Variants in AFF3 observed in about 807,000 individuals in gnomAD.
AFF3 encodes the protein ALF transcription elongation factor 3, also known as AF4/FMR2 family member 3.
AFF3 carries 32 observed loss-of-function variants against 129.7 expected under a neutral mutation model. The ratio of observed to expected loss-of-function variants is 0.25; its 90% CI spans 0.19 to 0.33. The LOEUF (loss-of-function observed/expected upper bound fraction) is 0.33. Ranked by LOEUF, AFF3 falls within the 10% of genes least tolerant of loss-of-function variation. The pLI, the probability that AFF3 is intolerant of heterozygous loss-of-function variation, is 1.00. For missense variants in AFF3, 1,373 were observed against 1,592.0 expected, an observed-to-expected ratio of 0.86 and a Z score of 2.34; for synonymous variants, 644 against 635.4, an observed-to-expected ratio of 1.01 and a Z score of -0.20.
chr2:99,600,438 C>A (rs1679711980), intron 14 of AFF3, among the ~76,000 whole-genome samples: 1 of 152,138 alleles, frequency 6.6e-6, no homozygotes, highest in Non-Finnish European at 1.5e-5. Flanking sequence ...GGTGTGATAA[C>A]ATCCAAGGCA....
intron 4 of AFF3, among the ~76,000 whole-genome samples, chr2:100,054,291 A>G (rs1686592742): frequency 6.6e-6 from 1 of 152,188 alleles, no homozygotes; most frequent in African/African-American, 2.4e-5. Context: ...TGCTTGGGCC[A>G]TGGGGTGCCA....
At position 99,566,993 on chromosome 2, in the gene AFF3, G is replaced by A. The variant is rs545861997; in HGVS notation, c.2983-1370C>T. Reference sequence around the variant, plus strand: ...TTCTTTTTTTTTTTTTTGGAGACAGGGTCTCACTCTGTCACCCAGGCTGGA... The same window carrying A: ...TTCTTTTTTTTTTTTTTGGAGACAGAGTCTCACTCTGTCACCCAGGCTGGA... On this transcript the variant is annotated intron_variant, in intron 19 of 24. Transcript: ENST00000672756. 8.9e-4 allele frequency among the ~76,000 whole-genome samples: 133 copies of A among 149,808 alleles called. 1 individual carries two copies. Among genetic ancestry groups the A allele is most frequent in the African/African-American group, 3.2e-3 (130 of 40,818 alleles).
At chr2:99,589,051 C>T (rs1010241592) in intron 15 of AFF3, among the ~76,000 whole-genome samples, 2 of 152,238 alleles carry the variant, frequency 1.3e-5, no homozygotes, top group Middle Eastern at 3.2e-3. Flanking sequence ...TTCTGCACAT[C>T]TCTCTAGTAA....
At chr2:100,132,661 C>T (rs911894718) in intron 1 of AFF3, among the ~76,000 whole-genome samples, 4 of 152,148 alleles carry the variant, frequency 2.6e-5, no homozygotes, top group African/African-American at 7.2e-5. Context: ...ACCAGACTCT[C>T]GCTGTCCACT....
chr2:99,878,281 G>A (rs185830443), intron 7 of AFF3, among the ~76,000 whole-genome samples: 375 of 152,306 alleles, frequency 2.5e-3, no homozygotes, highest in Non-Finnish European at 4.1e-3. Context: ...TGAATGTTAA[G>A]TGGCTAAATT....
At chr2:99,555,342 C>T (rs1674809813) in intron 22 of AFF3, among the ~76,000 whole-genome samples, 1 of 152,194 alleles carries the variant, frequency 6.6e-6, no homozygotes, top group African/African-American at 2.4e-5. Flanking sequence ...CATACATTTA[C>T]TTAGTGCCTG....
intron 7 of AFF3, among the ~76,000 whole-genome samples, chr2:99,914,435 A>C (rs1307682831): frequency 6.6e-6 from 1 of 152,204 alleles, no homozygotes; most frequent in Non-Finnish European, 1.5e-5. Flanking sequence ...AAAATGCATG[A>C]GCTTGAAGTG....
chr2:99,798,908 A>G (rs764605267), intron 8 of AFF3, among the ~76,000 whole-genome samples: 1 of 152,016 alleles, frequency 6.6e-6, no homozygotes, highest in Non-Finnish European at 1.5e-5. Context: ...AATTAGTCAG[A>G]CTTTTCTGAC....
At chr2:99,688,249 A>G (rs2104625637) in intron 11 of AFF3, among the ~76,000 whole-genome samples, 1 of 152,294 alleles carries the variant, frequency 6.6e-6, no homozygotes, top group Middle Eastern at 3.4e-3. Flanking sequence ...ACTACACTAT[A>G]GTGGTGCAGG....
chr2:99,936,283 G>T (rs1380597695), intron 7 of AFF3, among the ~76,000 whole-genome samples: 2 of 152,116 alleles, frequency 1.3e-5, no homozygotes, highest in Admixed American at 6.5e-5. Flanking sequence ...AGCCTGGTGG[G>T]GCTATGTGGG....
chr2:99,989,703 G>A (rs1422066716), intron 7 of AFF3, among the ~76,000 whole-genome samples: 3 of 152,146 alleles, frequency 2.0e-5, no homozygotes, highest in Non-Finnish European at 4.4e-5. Context: ...AAAGGACCCT[G>A]AGAGGTCCAT....
At chr2:100,065,546 C>T (rs1159833939) in intron 4 of AFF3, among the ~76,000 whole-genome samples, 1 of 152,128 alleles carries the variant, frequency 6.6e-6, no homozygotes, top group African/African-American at 2.4e-5. Flanking sequence ...TTGCTTAAAA[C>T]ACAAACATTT....
rs986303372 is a variant in AFF3 at position 99,735,434 on chromosome 2, T to C, written c.1040-8306A>G. Among the ~76,000 whole-genome samples, 5 of 152,280 alleles carry C rather than the reference T, an allele frequency of 3.3e-5. 1 individual carries two copies. The South Asian group carries it at 1.0e-3, about 32-fold the overall frequency. ...CCATTTGTTTTGGGTTTATTTTCTC[T>C]TCTTTCAGCTCTTAAGATAGATGCT... On this transcript the variant is annotated intron_variant, in intron 10 of 24. Transcript: ENST00000672756.
intron 7 of AFF3, among the ~76,000 whole-genome samples, chr2:99,915,982 T>C (rs1169320254): frequency 6.6e-6 from 1 of 152,200 alleles, no homozygotes; most frequent in Non-Finnish European, 1.5e-5. Flanking sequence ...ATGTAAAGTT[T>C]CTGAAAGACA....
chr2:99,872,173 T>C (rs979820555), intron 7 of AFF3, among the ~76,000 whole-genome samples: 63 of 120,182 alleles, frequency 5.2e-4, no homozygotes, highest in Admixed American at 8.5e-4. Context: ...GCCACTGCAC[T>C]CTCCAGCCTG....
At chr2:99,700,411 G>C (rs1676736949) in intron 11 of AFF3, among the ~76,000 whole-genome samples, 1 of 152,210 alleles carries the variant, frequency 6.6e-6, no homozygotes, top group Non-Finnish European at 1.5e-5. Flanking sequence ...GAGCCACCGT[G>C]CCTGGCCAAA....
intron 4 of AFF3, among the ~76,000 whole-genome samples, chr2:100,092,494 C>T (rs116690108): frequency 0.013 from 1,913 of 152,262 alleles, 40 homozygotes; most frequent in African/African-American, 0.043. Flanking sequence ...CATTTTGCTC[C>T]CCTGCTTAAA....
chr2:100,006,600 G>T (rs770397472), intron 7 of AFF3, 32 bp downstream of exon 7: 1 of 1,567,952 alleles, frequency 6.4e-7, no homozygotes, highest in Admixed American at 1.8e-5. Flanking sequence ...TAACTATGCA[G>T]TTGCATGTGA....
intron 8 of AFF3, among the ~76,000 whole-genome samples, chr2:99,755,417 G>A (rs749048472): frequency 5.3e-5 from 8 of 152,052 alleles, no homozygotes; most frequent in Admixed American, 2.0e-4. Flanking sequence ...ACAGGCATGC[G>A]TCACCACACC....
Sources: gnomAD v4.1 joint callset for allele counts (sites outside exome capture counted in the v4.1 genomes callset) on GRCh38, gnomAD v4.1.1 for gene constraint, MANE v1.5 for transcripts, NCBI Gene and HGNC (gene_info 2026-07-23, HGNC 2026-07-21) for gene names.